Variants in HBS1L observed in about 807,000 individuals in gnomAD.
HBS1L encodes HBS1-like protein.
A neutral mutation model predicts 88.9 loss-of-function variants in HBS1L; 55 were observed. The ratio of observed to expected loss-of-function variants is 0.62; its 90% CI spans 0.50 to 0.77. The LOEUF is 0.77. HBS1L is among the 30% of genes least tolerant of loss of function. The pLI is 0.00. For synonymous variants in HBS1L, 267 were observed against 288.5 expected (o/e 0.93, Z 0.76); for missense variants, 741 against 829.3 (o/e 0.89, Z 1.31).
rs750976348 is a variant in HBS1L, at chr6:135,054,640, G to C, written c.43+9C>G. On this transcript the variant is annotated intron_variant, in intron 1 of 17. Transcript: ENST00000367837. ...GAAAAGAACGTCCCGGCATGACCCT[G>C]CCACCTACCTTCATCGTAGTTATAG... The C allele has an allele frequency of 2.0e-5, 32 of 1,614,038 alleles. No individual in the cohort carries two copies. The highest frequency in any genetic ancestry group is 2.6e-5 in the Non-Finnish European group (31 of 1,179,984).
intron 2 of HBS1L, among the ~76,000 whole-genome samples, chr6:135,043,543 C>G (rs538673758): frequency 6.6e-6 from 1 of 152,298 alleles, no homozygotes; most frequent in South Asian, 2.1e-4. Flanking sequence ...TAACCACTCT[C>G]TATTCATTGT....
At chr6:135,008,176 T>A (rs1481252102) in intron 4 of HBS1L, among the ~76,000 whole-genome samples, 3 of 152,218 alleles carry the variant, frequency 2.0e-5, no homozygotes, top group African/African-American at 7.2e-5. Context: ...AAGATACATA[T>A]TCTGAAAACT....
At chr6:135,003,600 G>A (rs1330525412) in intron 4 of HBS1L, among the ~76,000 whole-genome samples, 1 of 150,812 alleles carries the variant, frequency 6.6e-6, no homozygotes, top group Non-Finnish European at 1.5e-5. Context: ...AGGCACGGTG[G>A]CTCATGCCTG....
intron 4 of HBS1L, among the ~76,000 whole-genome samples, chr6:135,014,017 G>A (rs940833732): frequency 1.3e-5 from 2 of 152,000 alleles, no homozygotes; most frequent in African/African-American, 4.8e-5. Context: ...GATGGAGGGG[G>A]GTACCAGAGC....
chr6:135,037,510 C>T (rs1435147541), intron 4 of HBS1L: 4 of 1,549,752 alleles, frequency 2.6e-6, no homozygotes, highest in Admixed American at 2.0e-5. Context: ...ACTTCCTAAA[C>T]TGTCCTGTAC....
intron 15 of HBS1L, among the ~76,000 whole-genome samples, chr6:134,975,536 AT>A (rs1304552852): frequency 6.6e-6 from 1 of 152,220 alleles, no homozygotes; most frequent in Admixed American, 6.6e-5. Context: ...CCAAAACAGC[AT>A]GGTACTAGTA....
At chr6:135,022,923 GAA>G (rs564104233) in intron 4 of HBS1L, among the ~76,000 whole-genome samples, 6 of 132,452 alleles carry the variant, frequency 4.5e-5, no homozygotes, top group Admixed American at 7.6e-5. Flanking sequence ...ACCTAAGCAG[GAA>G]AAAAAAAAAA....
At chr6:134,981,048 G>A (rs970120358) in intron 13 of HBS1L, among the ~76,000 whole-genome samples, 1 of 151,918 alleles carries the variant, frequency 6.6e-6, no homozygotes. Flanking sequence ...TCTCTGTGTG[G>A]AAAGTACAGA....
At chr6:134,980,469 T>C (rs1458846557) in intron 13 of HBS1L, among the ~76,000 whole-genome samples, 1 of 152,066 alleles carries the variant, frequency 6.6e-6, no homozygotes, top group Non-Finnish European at 1.5e-5. Context: ...AAATTTAGAA[T>C]GAACATATCT....
chr6:135,042,412 T>C (rs1226736512), intron 2 of HBS1L, among the ~76,000 whole-genome samples: 1 of 152,144 alleles, frequency 6.6e-6, no homozygotes, highest in African/African-American at 2.4e-5. Flanking sequence ...AATCTACCTT[T>C]CCTAATATCT....
At chr6:135,037,337 G>C in intron 4 of HBS1L, 1 of 1,551,834 alleles carries the variant, frequency 6.4e-7, no homozygotes, top group Non-Finnish European at 8.7e-7. Flanking sequence ...GTTAGGGATG[G>C]ACTTTCACAC....
intron 4 of HBS1L, among the ~76,000 whole-genome samples, chr6:135,033,264 C>T (rs1363274350): frequency 1.3e-5 from 2 of 152,144 alleles, no homozygotes; most frequent in South Asian, 2.1e-4. Context: ...ATAAAGTCAA[C>T]TAAAACACGT....
At chr6:134,979,307 C>T (rs1301825581) in intron 13 of HBS1L, 39 bp from the exon 14 acceptor site, 1 of 1,437,434 alleles carries the variant, frequency 7.0e-7, no homozygotes, top group African/African-American at 1.4e-5. Flanking sequence ...AGTGAAACAC[C>T]TCGATATCAA....
intron 4 of HBS1L, among the ~76,000 whole-genome samples, chr6:135,011,765 A>G (rs1470977506): frequency 1.3e-5 from 2 of 151,738 alleles, no homozygotes; most frequent in Non-Finnish European, 2.9e-5. Flanking sequence ...AATTAGCCAG[A>G]CGTGGTGGCA....
intron 13 of HBS1L, 183 bp downstream of exon 13, chr6:134,982,275 C>A: frequency 1.8e-6 from 1 of 561,246 alleles, no homozygotes; most frequent in South Asian, 2.1e-5. Context: ...CAGACACAAT[C>A]ACAACAGAAA....
intron 4 of HBS1L, among the ~76,000 whole-genome samples, chr6:135,017,337 A>G (rs1278140007): frequency 6.6e-6 from 1 of 152,174 alleles, no homozygotes; most frequent in Non-Finnish European, 1.5e-5. Flanking sequence ...ACTGTTGCCT[A>G]GGGATAATGT....
chr6:135,024,637 G>A (rs979492286), intron 4 of HBS1L, among the ~76,000 whole-genome samples: 3 of 150,396 alleles, frequency 2.0e-5, no homozygotes, highest in African/African-American at 7.3e-5. Context: ...ACCCAAATAT[G>A]CGCCTTTTTA....
chr6:135,010,021 T>C (rs1775730835), intron 4 of HBS1L, among the ~76,000 whole-genome samples: 1 of 152,220 alleles, frequency 6.6e-6, no homozygotes, highest in African/African-American at 2.4e-5. Context: ...TAGAAATTTA[T>C]ATGTGATGAT....
chr6:135,026,472 T>C (rs1051917155), intron 4 of HBS1L, among the ~76,000 whole-genome samples: 16 of 152,022 alleles, frequency 1.1e-4, no homozygotes, highest in Admixed American at 6.6e-4. Flanking sequence ...AATATGTAAA[T>C]ATAAAAGACA....
Sources: gnomAD v4.1 joint callset for allele counts (sites outside exome capture counted in the v4.1 genomes callset) on GRCh38, gnomAD v4.1.1 for gene constraint, MANE v1.5 for transcripts, NCBI Gene and HGNC (gene_info 2026-07-23, HGNC 2026-07-21) for gene names.